The following USH2A variants were observed in gnomAD, a reference collection of about 807,000 sequenced individuals.
The protein encoded by USH2A is Usher syndrome 2A (autosomal recessive, mild).
USH2A carries 443 observed loss-of-function variants against 538.9 expected under a neutral mutation model. That is an observed-to-expected ratio of 0.82 (90% CI 0.76 to 0.89). The LOEUF is 0.89. USH2A is among the 40% of genes least tolerant of loss of function. The pLI, the probability that USH2A is intolerant of heterozygous loss-of-function variation, is 0.00. For missense variants in USH2A, 6,633 were observed against 6,324.8 expected, an observed-to-expected ratio of 1.05 and a Z score of -1.65; for synonymous variants, 2,413 against 2,273.5, an observed-to-expected ratio of 1.06 and a Z score of -1.75.
chr1:215,815,993 C>T (rs937075404), intron 48 of USH2A, among the ~76,000 whole-genome samples: 6 of 151,714 alleles, frequency 4.0e-5, no homozygotes, highest in African/African-American at 7.3e-5. Context: ...TTGTCCACTT[C>T]GTAACAGATA....
Position 215,779,851 on chromosome 1 carries a change from G to A in USH2A, c.10931C>T (p.Thr3644Met), listed in dbSNP as rs185823130. ...TTTTTTTGTTTTCTCACCTGTGACC[G>A]TATGCTGTCTCCTGTCAGTGGTGTC... ...HTDTTDRRQH[T>M]VTGLQPYTNY... is the part of the protein sequence containing the mutation. The change falls in exon 55 of 72, where the codon ACG (threonine) becomes ATG (methionine). Residue 3644 changes from threonine to methionine, a missense_variant. Coordinates refer to ENST00000307340, the MANE Select transcript of USH2A (RefSeq NM_206933.4). 7.0e-5 allele frequency: 113 copies of A among 1,613,778 alleles called. No individual in the cohort carries two copies. The East Asian group carries it at 1.0e-3, about 15-fold the overall frequency.
chr1:215,734,857 C>G (rs946305330), intron 60 of USH2A, among the ~76,000 whole-genome samples: 1 of 152,194 alleles, frequency 6.6e-6, no homozygotes, highest in Admixed American at 6.5e-5. Flanking sequence ...ATATTTCTAT[C>G]AGCATTTTGG....
At chr1:216,027,645 T>A (rs180675149) in intron 32 of USH2A, among the ~76,000 whole-genome samples, 140 of 152,286 alleles carry the variant, frequency 9.2e-4, no homozygotes, top group Middle Eastern at 6.8e-3. Flanking sequence ...AATGCTACAC[T>A]CTGCAGACCT....
intron 3 of USH2A, among the ~76,000 whole-genome samples, chr1:216,402,988 C>G (rs2039334254): frequency 6.6e-6 from 1 of 152,102 alleles, no homozygotes; most frequent in African/African-American, 2.4e-5. Context: ...GATCTTAAAA[C>G]ATTAAGTTTC....
intron 9 of USH2A, among the ~76,000 whole-genome samples, chr1:216,314,548 T>C (rs752820763): frequency 1.8e-4 from 27 of 152,094 alleles, no homozygotes; most frequent in Non-Finnish European, 3.7e-4. Flanking sequence ...CACAAATTAG[T>C]CATGATGATT....
In USH2A at chr1:215,888,697, T is replaced by A; in HGVS notation, c.7952A>T (p.Asn2651Ile). The stretch of plus-strand genomic sequence containing the variant: ...AATTGTGAAATTCTCCACCAAGCCA[T>A]TGGGGTGGGTAGGGGGTTGCCAAGA... ...IISWQPPTHP[N>I]GLVENFTIER... The change falls in exon 41 of 72, where the codon AAT becomes ATT. Residue 2651 changes from asparagine to isoleucine, a missense_variant. Coordinates refer to ENST00000307340, the MANE Select transcript of USH2A (RefSeq NM_206933.4). 1 of 1,614,100 alleles carries A rather than the reference T, an allele frequency of 6.2e-7. No individual in the cohort carries two copies. The highest frequency in any genetic ancestry group is 8.5e-7 in the Non-Finnish European group (1 of 1,180,000).
rs746870063 is a variant in USH2A, at chr1:215,790,228, G to A, written c.10013C>T (p.Ser3338Leu). The A allele has an allele frequency of 6.2e-7, 1 of 1,614,082 alleles. No homozygotes were observed. The highest frequency in any genetic ancestry group is 8.5e-7 in the Non-Finnish European group (1 of 1,180,008). The stretch of plus-strand genomic sequence containing the variant: ...TGCTTTAGACTCTCCACTGGAAGCT[G>A]AGCAGCATATGGTATCTGACATATT... ...YVNMSDTICC[S>L]ASSGESKAHI... The change falls in exon 51 of 72, where the codon TCA becomes TTA. Residue 3338 changes from serine (S) to leucine (L), a missense_variant. Transcript: ENST00000307340.
intron 4 of USH2A, among the ~76,000 whole-genome samples, chr1:216,335,614 CA>C (rs1184596241): frequency 1.3e-5 from 2 of 151,228 alleles, no homozygotes; most frequent in Non-Finnish European, 3.0e-5. Flanking sequence ...TTTGCAGTCA[CA>C]AAAAAGGATC....
Position 215,821,677 on chromosome 1 carries a change from C to A in USH2A, c.9372-4482G>T, listed in dbSNP as rs143589448. 5.2e-4 allele frequency among the ~76,000 whole-genome samples: 79 copies of A among 151,668 alleles called. 1 individual carries two copies. The East Asian group carries it at 0.014, about 27-fold the overall frequency. ...GTGTTTTTGAGATCTTACACAAATG[C>A]CTTTGCCTAGATCATGTCTGGGAGC... On this transcript the variant is annotated intron_variant, in intron 47 of 71. Coordinates refer to ENST00000307340, the MANE Select transcript of USH2A (RefSeq NM_206933.4).
At chr1:215,650,826 G>A in intron 64 of USH2A, 25 bp from the exon 65 acceptor site, 1 of 1,460,732 alleles carries the variant, frequency 6.8e-7, no homozygotes, top group Non-Finnish European at 9.4e-7. Context: ...CAACAAGACT[G>A]TCAAAAGCAA....
intron 60 of USH2A, among the ~76,000 whole-genome samples, chr1:215,734,647 AGTC>A (rs1259645565): frequency 3.9e-5 from 6 of 152,194 alleles, no homozygotes; most frequent in Admixed American, 3.9e-4. Context: ...AGCCAGGCAA[AGTC>A]TTGAATGCTG....
intron 30 of USH2A, among the ~76,000 whole-genome samples, chr1:216,056,939 T>C (rs1485657161): frequency 6.6e-6 from 1 of 152,232 alleles, no homozygotes; most frequent in Non-Finnish European, 1.5e-5. Context: ...TGCATTCTTC[T>C]TCTTTATCAA....
intron 40 of USH2A, among the ~76,000 whole-genome samples, chr1:215,895,878 G>C (rs1299972717): frequency 6.6e-6 from 1 of 152,106 alleles, no homozygotes; most frequent in Non-Finnish European, 1.5e-5. Flanking sequence ...TAGTTTGTGT[G>C]GTATAGCCTG....
At chr1:216,122,905 T>C (rs1048365863) in intron 21 of USH2A, among the ~76,000 whole-genome samples, 1 of 152,176 alleles carries the variant, frequency 6.6e-6, no homozygotes, top group African/African-American at 2.4e-5. Flanking sequence ...TGTACTAGTG[T>C]AGTATATCAT....
chr1:215,961,583 T>C (rs1253691035), intron 37 of USH2A, among the ~76,000 whole-genome samples: 1 of 151,360 alleles, frequency 6.6e-6, no homozygotes, highest in African/African-American at 2.4e-5. Flanking sequence ...GGAAATTATA[T>C]AAAATAAAAA....
At chr1:216,301,306 C>T (rs1272555176) in intron 9 of USH2A, among the ~76,000 whole-genome samples, 1 of 152,064 alleles carries the variant, frequency 6.6e-6, no homozygotes, top group East Asian at 1.9e-4. Flanking sequence ...CTGAGAGCTC[C>T]CAGTGTCAAT....
intron 44 of USH2A, among the ~76,000 whole-genome samples, chr1:215,854,121 C>T (rs1394251080): frequency 1.3e-5 from 2 of 152,144 alleles, no homozygotes; most frequent in African/African-American, 4.8e-5. Context: ...GCTTACTGGG[C>T]TCATAGTTCC....
At chr1:215,699,926 T>C (rs544247815) in intron 61 of USH2A, among the ~76,000 whole-genome samples, 1 of 152,244 alleles carries the variant, frequency 6.6e-6, no homozygotes, top group African/African-American at 2.4e-5. Context: ...CCATTCAGTA[T>C]GATATTGGCT....
intron 49 of USH2A, among the ~76,000 whole-genome samples, chr1:215,803,931 C>G (rs990534381): frequency 3.3e-5 from 5 of 152,182 alleles, no homozygotes; most frequent in African/African-American, 1.2e-4. Flanking sequence ...GGTACCAAAA[C>G]AGAGATATAA....
Sources: gnomAD v4.1 joint callset for allele counts (sites outside exome capture counted in the v4.1 genomes callset) on GRCh38, gnomAD v4.1.1 for gene constraint, MANE v1.5 for transcripts, NCBI Gene and HGNC (gene_info 2026-07-23, HGNC 2026-07-21) for gene names.